PLEKHA6: variants seen among roughly 807,000 people sequenced by gnomAD.
PLEKHA6 encodes pleckstrin homology domain-containing family A member 6.
A neutral mutation model predicts 116.7 loss-of-function variants in PLEKHA6; 60 were observed. That is an observed-to-expected ratio of 0.51 (90% confidence interval 0.42 to 0.64). The LOEUF is 0.64. Ranked by LOEUF, PLEKHA6 falls within the 30% of genes least tolerant of loss-of-function variation. PLEKHA6 has a pLI of 0.00. For missense variants in PLEKHA6, 1,338 were observed against 1,422.7 expected, an observed-to-expected ratio of 0.94 and a Z score of 0.96; for synonymous variants, 489 against 556.1, an observed-to-expected ratio of 0.88 and a Z score of 1.70.
chr1:204,282,553 A>C, intron 1 of PLEKHA6: 8 of 672,552 alleles, frequency 1.2e-5, no homozygotes, highest in Non-Finnish European at 1.5e-5. Flanking sequence ...CTGGCACCAC[A>C]GGGCCCTCCA....
chr1:204,230,620 G>T (rs1661051318), intron 17 of PLEKHA6, 34 bp from the exon 18 acceptor site: 2 of 1,552,274 alleles, frequency 1.3e-6, no homozygotes, highest in East Asian at 4.6e-5. Flanking sequence ...TCTGACAAGT[G>T]CCTTATCCCC....
At position 204,245,616 on chromosome 1, in the gene PLEKHA6, T is replaced by A. The variant is rs1246847869; in HGVS notation, c.2031A>T (p.Arg677Ser). ...GAGGCTGGCACAGGAGGCACCCACC[T>A]CTGTGCTTGGCGGTGTCCGTGCCCC... Reference protein sequence around the residue: ...PSRGTDTAKHRGGLGPSATYS... With the variant: ...PSRGTDTAKHSGGLGPSATYS... The change falls in exon 14 of 23, where the codon AGA becomes AGT. Residue 677 changes from arginine to serine, a missense_variant and splice_region_variant. Physicochemically the swap from Arg to Ser is moderately radical, Grantham distance 110 (BLOSUM62 -1). This residue lies in a region of PLEKHA6 where 1,136 missense variants were observed against 1,163.6 expected (regional missense o/e 0.98). Coordinates refer to ENST00000272203, the MANE Select transcript of PLEKHA6 (RefSeq NM_014935.5). 8.1e-6 allele frequency: 13 copies of A among 1,596,182 alleles called. No homozygotes were observed. In the South Asian group the frequency reaches 1.2e-4, roughly 15 times the overall value.
intron 1 of PLEKHA6, chr1:204,281,187 A>G (rs1389300917): frequency 6.5e-6 from 1 of 154,544 alleles, no homozygotes; most frequent in Non-Finnish European, 1.4e-5. Context: ...CGTCACTAAA[A>G]AACAACAGAG....
upstream of PLEKHA6, chr1:204,359,984 C>T (rs1447159145): frequency 6.6e-6 from 1 of 152,474 alleles, no homozygotes; most frequent in Non-Finnish European, 1.5e-5. Context: ...GGCCACGTGA[C>T]TCTCCCTCCC....
intron 3 of PLEKHA6, among the ~76,000 whole-genome samples, chr1:204,366,279 G>A (rs1329935827): frequency 2.0e-5 from 3 of 152,056 alleles, no homozygotes; most frequent in African/African-American, 7.2e-5. Flanking sequence ...GGTCCAAACA[G>A]GAAAAATTCA....
chr1:204,331,135 G>A (rs1232354044), intron 1 of PLEKHA6, among the ~76,000 whole-genome samples: 8 of 150,254 alleles, frequency 5.3e-5, no homozygotes, highest in African/African-American at 2.0e-4. Context: ...AGGAGGCGAA[G>A]GTTGCAGTGA....
At chr1:204,350,156 C>A (rs1314804985) in intron 1 of PLEKHA6, among the ~76,000 whole-genome samples, 1 of 152,012 alleles carries the variant, frequency 6.6e-6, no homozygotes, top group African/African-American at 2.4e-5. Context: ...ACCGTCTCTA[C>A]CAAAAAATAC....
intron 1 of PLEKHA6, among the ~76,000 whole-genome samples, chr1:204,282,430 T>G (rs1039886778): frequency 6.6e-6 from 1 of 152,072 alleles, no homozygotes; most frequent in Non-Finnish European, 1.5e-5. Flanking sequence ...CTCTTCCATG[T>G]TGGTGGGTGA....
At chr1:204,234,251 C>T (rs1022952936) in intron 17 of PLEKHA6, among the ~76,000 whole-genome samples, 5 of 152,108 alleles carry the variant, frequency 3.3e-5, no homozygotes, top group African/African-American at 1.2e-4. Context: ...CCAAGGAATG[C>T]CAAGAGTTAC....
intron 9 of PLEKHA6, chr1:204,255,520 C>T: frequency 1.5e-6 from 1 of 668,192 alleles, no homozygotes; most frequent in Middle Eastern, 2.7e-4. Flanking sequence ...GTCCTGCTTG[C>T]ACCAACAAAG....
intron 6 of PLEKHA6, among the ~76,000 whole-genome samples, chr1:204,264,111 A>G (rs1347865499): frequency 6.6e-6 from 1 of 152,164 alleles, no homozygotes; most frequent in African/African-American, 2.4e-5. Context: ...AGCAATTGTC[A>G]ATTAGGGGAG....
At position 204,303,583 on chromosome 1, in the gene PLEKHA6, G is replaced by A. The variant is rs577095285; in HGVS notation, c.-94-28774C>T. On this transcript the variant is annotated intron_variant, in intron 1 of 22. Transcript: ENST00000272203. The stretch of plus-strand genomic sequence containing the variant: ...ATGTGTCTCAGATTCTGGCAGCTGG[G>A]CACCTGTCTGGGGTTTCCCACATAT... Among the ~76,000 whole-genome samples, 2 of 152,276 alleles carry A rather than the reference G, an allele frequency of 1.3e-5. 1 individual carries two copies. The highest frequency in any genetic ancestry group is 4.1e-4 in the South Asian group (2 of 4,828).
intron 1 of PLEKHA6, chr1:204,346,982 T>C (rs1287134877): frequency 1.5e-5 from 19 of 1,263,478 alleles, no homozygotes; most frequent in Non-Finnish European, 2.2e-5. Flanking sequence ...ATGTGCTCAA[T>C]ACGCACATTA....
At chr1:204,301,065 T>A (rs933183615) in intron 1 of PLEKHA6, 1 of 161,628 alleles carries the variant, frequency 6.2e-6, no homozygotes, top group African/African-American at 2.4e-5. Flanking sequence ...GATATTAATA[T>A]GTTTGATTAT....
rs1667701379 is a variant in PLEKHA6, at chr1:204,273,611, G to C, written c.102+15C>G. The C allele has an allele frequency of 1.3e-6, 2 of 1,572,044 alleles. No homozygotes were observed. The highest frequency in any genetic ancestry group is 2.7e-5 in the African/African-American group (2 of 74,080). ...CGTTTCCAGCCCAACAGCTTGCCTT[G>C]AGGGCTGGACTTACCCGGACGCTGG... On this transcript the variant is annotated intron_variant, in intron 3 of 22. Coordinates refer to ENST00000272203, the MANE Select transcript of PLEKHA6 (RefSeq NM_014935.5).
chr1:204,360,377 T>TCCCCCCCCC (rs1572231188), upstream of PLEKHA6, among the ~76,000 whole-genome samples: 1 of 126,286 alleles, frequency 7.9e-6, no homozygotes, highest in African/African-American at 2.8e-5. Context: ...GGCCTCCCCA[T>TCCCCCCCCC]CCCCCGCCCC....
chr1:204,355,152 G>A (rs980289495), intron 1 of PLEKHA6, among the ~76,000 whole-genome samples: 4 of 152,226 alleles, frequency 2.6e-5, no homozygotes, highest in African/African-American at 4.8e-5. Flanking sequence ...GGCTTGGAGG[G>A]AGAGAGACGA....
chr1:204,364,939 A>T (rs1172808760), intron 3 of PLEKHA6, among the ~76,000 whole-genome samples: 1 of 152,214 alleles, frequency 6.6e-6, no homozygotes. Context: ...AGTATAAGCA[A>T]ATAACTACCA....
In PLEKHA6 at chr1:204,228,759, C is replaced by T. The variant is rs750835065; in HGVS notation, c.2854G>A (p.Glu952Lys). The change falls in exon 20 of 23, where the codon GAG becomes AAG. Residue 952 changes from glutamate to lysine, a missense_variant. Physicochemically the swap from Glu to Lys is moderately conservative, Grantham distance 56. Transcript: ENST00000272203. This position sits in a 1 kb window ranked among gnomAD's most constrained non-coding sequence, Gnocchi z 4.0. The part of the protein sequence containing the change: ...EELKEKQKKV[E>K]RIKTLIAKSS... ...TTGGCAATGAGTGTCTTGATCCTCT[C>T]CACCTTCTTCTGCTTCTCCTTCAAC... 28 of 1,613,900 alleles carry T rather than the reference C, an allele frequency of 1.7e-5. No individual in the cohort carries two copies. Among genetic ancestry groups the T allele is most frequent in the Non-Finnish European group, 2.3e-5 (27 of 1,179,942 alleles).
Sources: gnomAD v4.1 joint callset for allele counts (sites outside exome capture counted in the v4.1 genomes callset) on GRCh38, gnomAD v4.1.1 for gene constraint, gnomAD v4.1.1 regional missense constraint, Gnocchi (gnomAD v3.1) non-coding constraint, MANE v1.5 for transcripts, NCBI Gene and HGNC (gene_info 2026-07-23, HGNC 2026-07-21) for gene names.